SLC39A11: variants seen among roughly 807,000 people sequenced by gnomAD.
SLC39A11 encodes zinc transporter ZIP11.
In SLC39A11, 33 loss-of-function variants were observed where a neutral mutation model predicts 36.1. The observed-to-expected ratio is 0.91, with a 90% CI of 0.69 to 1.22. The LOEUF (loss-of-function observed/expected upper bound fraction) is 1.22, where lower values mean the gene tolerates loss of function less well. SLC39A11 is among the 50% of genes most tolerant of loss of function. The probability of loss-of-function intolerance (pLI) is 0.00; values close to 1 mark genes in which losing one functional copy is unlikely to be tolerated. For synonymous variants in SLC39A11, 166 were observed against 170.3 expected (o/e 0.97, Z 0.20); for missense variants, 432 against 430.3 (o/e 1.00, Z -0.03).
intron 4 of SLC39A11, among the ~76,000 whole-genome samples, chr17:72,959,323 GTGTATATATATATATATATATATATA>G (rs1374227176): frequency 0.011 from 868 of 81,478 alleles, 47 homozygotes; most frequent in African/African-American, 0.036. Flanking sequence ...GTGTGTGTGT[GTGTATATATATATATATATATATATA>G]TATATATATA....
At chr17:72,670,212 C>CACACACACACACACACAT (rs1300718493) in intron 7 of SLC39A11, among the ~76,000 whole-genome samples, 1 of 125,174 alleles carries the variant, frequency 8.0e-6, no homozygotes, top group Non-Finnish European at 1.7e-5. Context: ...CACACACACA[C>CACACACACACACACACAT]ATATATATAT....
intron 7 of SLC39A11, among the ~76,000 whole-genome samples, chr17:72,721,674 TA>T (rs2073686148): frequency 6.6e-6 from 1 of 152,048 alleles, no homozygotes; most frequent in African/African-American, 2.4e-5. Context: ...AACAGAACTT[TA>T]AAAGTTAAAA....
At chr17:72,663,060 T>C (rs1182540701) in intron 7 of SLC39A11, among the ~76,000 whole-genome samples, 1 of 152,252 alleles carries the variant, frequency 6.6e-6, no homozygotes, top group Non-Finnish European at 1.5e-5. Context: ...GACACAATTC[T>C]GAGTGAGAAA....
intron 4 of SLC39A11, among the ~76,000 whole-genome samples, chr17:73,026,187 GAGAGAAGAGAAGGGAAGAGAAGAGA>G (rs2058537264): frequency 2.8e-4 from 1 of 3,590 alleles, no homozygotes; most frequent in Non-Finnish European, 1.2e-3. Context: ...AGAAAGAGAA[GAGAGAAGAGAAGGGAAGAGAAGAGA>G]AGAGAAGAGA....
chr17:72,694,613 G>A (rs902076034), intron 7 of SLC39A11, among the ~76,000 whole-genome samples: 2 of 152,210 alleles, frequency 1.3e-5, no homozygotes, highest in Admixed American at 6.5e-5. Flanking sequence ...GTGGTTCCAC[G>A]GCAAGCTAAG....
intron 4 of SLC39A11, among the ~76,000 whole-genome samples, chr17:72,949,990 CA>C (rs2085748211): frequency 1.5e-5 from 2 of 133,348 alleles, no homozygotes; most frequent in African/African-American, 5.4e-5. Flanking sequence ...CACACACACA[CA>C]CACACCCCTT....
chr17:72,679,717 C>T (rs112029146), intron 7 of SLC39A11, among the ~76,000 whole-genome samples: 2,847 of 152,138 alleles, frequency 0.019, 88 homozygotes, highest in African/African-American at 0.063. Context: ...GGGAGGTGGG[C>T]TTAGAGGACA....
intron 7 of SLC39A11, among the ~76,000 whole-genome samples, chr17:72,713,360 G>A (rs1017953176): frequency 2.2e-4 from 33 of 152,274 alleles, no homozygotes; most frequent in Admixed American, 7.8e-4. Flanking sequence ...TAGTGGGCCC[G>A]CATCTTACAA....
intron 6 of SLC39A11, among the ~76,000 whole-genome samples, chr17:72,762,289 G>A (rs1195075362): frequency 1.3e-5 from 2 of 152,224 alleles, no homozygotes; most frequent in Non-Finnish European, 2.9e-5. Context: ...CCAAAACCAA[G>A]ATGGTGACGA....
At chr17:72,830,092 G>T (rs116735131) in intron 6 of SLC39A11, among the ~76,000 whole-genome samples, 2,869 of 152,280 alleles carry the variant, frequency 0.019, 89 homozygotes, top group African/African-American at 0.065. Flanking sequence ...AGGAAATGCA[G>T]ACATGCACAC....
chr17:72,675,351 C>T (rs192051390), intron 7 of SLC39A11, among the ~76,000 whole-genome samples: 1 of 152,320 alleles, frequency 6.6e-6, no homozygotes, highest in East Asian at 1.9e-4. Context: ...GCAAGTGGGT[C>T]CTCACGGGCA....
intron 5 of SLC39A11, among the ~76,000 whole-genome samples, chr17:72,903,746 C>G (rs1462509495): frequency 1.3e-5 from 2 of 152,252 alleles, no homozygotes; most frequent in South Asian, 4.1e-4. Flanking sequence ...CTTGATTGGT[C>G]TTTTTATTTG....
chr17:73,051,845 G>C (rs924194332), intron 3 of SLC39A11, among the ~76,000 whole-genome samples: 2 of 132,900 alleles, frequency 1.5e-5, no homozygotes, highest in South Asian at 5.1e-4. Flanking sequence ...GTGACAAAGC[G>C]AGATTCCATC....
chr17:72,985,762 G>A (rs752867445), intron 4 of SLC39A11, among the ~76,000 whole-genome samples: 17 of 152,128 alleles, frequency 1.1e-4, no homozygotes, highest in Admixed American at 1.3e-4. Flanking sequence ...TCCTGCAATC[G>A]ATGCCCTATC....
intron 5 of SLC39A11, among the ~76,000 whole-genome samples, chr17:72,919,481 C>T (rs2083515529): frequency 6.6e-6 from 1 of 151,830 alleles, no homozygotes; most frequent in South Asian, 2.1e-4. Flanking sequence ...AATTGATCTG[C>T]TTCCCAGAAG....
chr17:72,781,080 C>G, intron 6 of SLC39A11, among the ~76,000 whole-genome samples: 1 of 152,248 alleles, frequency 6.6e-6, no homozygotes, highest in Non-Finnish European at 1.5e-5. Flanking sequence ...CCCAAACTGT[C>G]TGGCACCTTC....
Position 72,802,444 on chromosome 17 carries a change from G to A in SLC39A11, c.601+47190C>T, listed in dbSNP as rs551162370. On this transcript the variant is annotated intron_variant, in intron 6 of 9. Transcript: ENST00000255559. ...GTCTCTACTAAAAACACAAAAATTA[G>A]CTGGGCACGGTGGCGGGCGCCTGTA... Among the ~76,000 whole-genome samples, 3 of 152,060 alleles carry A rather than the reference G, an allele frequency of 2.0e-5. No homozygotes were observed. In the East Asian group the frequency reaches 5.8e-4, roughly 29 times the overall value.
chr17:72,896,255 T>A (rs199799822), intron 5 of SLC39A11, among the ~76,000 whole-genome samples: 1 of 141,562 alleles, frequency 7.1e-6, no homozygotes, highest in East Asian at 2.2e-4. Context: ...AGGCTGGAGT[T>A]CAGTGGTGCA....
intron 4 of SLC39A11, among the ~76,000 whole-genome samples, chr17:72,996,635 C>G (rs577397319): frequency 6.6e-6 from 1 of 152,266 alleles, no homozygotes; most frequent in Admixed American, 6.5e-5. Flanking sequence ...TGTCTCTTCT[C>G]TTTTTAGAAG....
Sources: allele counts gnomAD v4.1 joint callset (sites outside exome capture counted in the v4.1 genomes callset), GRCh38; gene constraint gnomAD v4.1.1; transcripts MANE v1.5; gene names NCBI Gene and HGNC (gene_info 2026-07-23, HGNC 2026-07-21).